The following ANKS6 variants were observed in gnomAD, a reference collection of about 807,000 sequenced individuals.
ANKS6 encodes the protein ankyrin repeat and sterile alpha motif domain containing 6.
In ANKS6, 47 loss-of-function variants were observed where a neutral mutation model predicts 77.9. That is an observed-to-expected ratio of 0.60 (90% CI 0.48 to 0.77). The LOEUF (loss-of-function observed/expected upper bound fraction) is 0.77. Ranked by LOEUF, ANKS6 falls within the 30% of genes least tolerant of loss-of-function variation. The probability of loss-of-function intolerance (pLI) is 0.00; values close to 1 mark genes in which losing one functional copy is unlikely to be tolerated. For missense variants in ANKS6, 1,150 were observed against 1,159.1 expected (o/e 0.99, Z 0.11); for synonymous variants, 488 against 501.7 (o/e 0.97, Z 0.37).
At chr9:98,777,279 A>G (rs1833966821) in intron 8 of ANKS6, 126 bp downstream of exon 8, 5 of 1,028,410 alleles carry the variant, frequency 4.9e-6, no homozygotes, top group Non-Finnish European at 4.5e-6. Flanking sequence ...ACTGTTACAC[A>G]TTCTCATCAC....
At position 98,783,938 on chromosome 9, in the gene ANKS6, G is replaced by A; in HGVS notation, c.1112+15C>T. 1 of 1,546,296 alleles carries A rather than the reference G, an allele frequency of 6.5e-7. No homozygotes were observed. The highest frequency in any genetic ancestry group is 8.7e-7 in the Non-Finnish European group (1 of 1,144,746). ...TGTCTGGCCTTGTCGCTGAGGGCGT[G>A]GGGCTGGCACTGACCCATGGTAGGT... is the stretch of plus-strand genomic sequence containing the variant. On this transcript the variant is annotated intron_variant, in intron 4 of 14. Transcript: ENST00000353234.
At chr9:98,766,059 G>GGGT (rs1833264389) in intron 11 of ANKS6, among the ~76,000 whole-genome samples, 1 of 152,152 alleles carries the variant, frequency 6.6e-6, no homozygotes, top group African/African-American at 2.4e-5. Flanking sequence ...CCTCCCGAGA[G>GGGT]CCTCATTCAG....
Position 98,733,575 on chromosome 9 carries a change from T to A in ANKS6, c.*2944A>T, listed in dbSNP as rs1831319765. ...CTTCCAGGGCTGCAAGGCCTCTTGG[T>A]TGCCGCTGTTCCAGAAAAAGCGGGG... is the stretch of plus-strand genomic sequence containing the variant. On this transcript the variant is annotated 3_prime_UTR_variant, in exon 15 of 15. Transcript: ENST00000353234. 1 of 985,466 alleles carries A rather than the reference T, an allele frequency of 1.0e-6. No homozygotes were observed. The allele number at this position is 985,466 out of a possible 1,614,324, so 61.0% of individuals were successfully genotyped here. A position where few individuals can be genotyped will look rare whatever the true frequency, so the allele number is the denominator to read the frequency against.
chr9:98,778,533 C>G (rs1834048524), intron 6 of ANKS6, 109 bp from the exon 7 acceptor site: 2 of 1,012,576 alleles, frequency 2.0e-6, no homozygotes, highest in Non-Finnish European at 2.9e-6. Flanking sequence ...GCCTGCCCTC[C>G]CCTCTCCTGG....
At chr9:98,743,981 A>G (rs951518896) in intron 14 of ANKS6, among the ~76,000 whole-genome samples, 1 of 152,006 alleles carries the variant, frequency 6.6e-6, no homozygotes, top group African/African-American at 2.4e-5. Flanking sequence ...GACAACCTCC[A>G]TACCTGCCTT....
Position 98,732,348 on chromosome 9 carries a change from C to T in ANKS6, c.*4171G>A, listed in dbSNP as rs1273323665. On this transcript the variant is annotated 3_prime_UTR_variant, in exon 15 of 15. Transcript: ENST00000353234. ...GCCCCCTTTTTACCCGCTGGATCAG[C>T]TTCTACGACTTGGTCAAACTATCTT... The T allele has an allele frequency of 9.1e-6, 8 of 878,648 alleles. No individual in the cohort carries two copies. Among genetic ancestry groups the T allele is most frequent in the Admixed American group, 8.0e-5 (3 of 37,344 alleles). The allele number at this position is 878,648 out of a possible 1,614,324, so 54.4% of individuals were successfully genotyped here. A position where few individuals can be genotyped will look rare whatever the true frequency, so the allele number is the denominator to read the frequency against.
chr9:98,789,260 C>A (rs141460483), intron 2 of ANKS6, among the ~76,000 whole-genome samples: 2 of 152,042 alleles, frequency 1.3e-5, no homozygotes, highest in Admixed American at 1.3e-4. Flanking sequence ...GGCTGTGAGT[C>A]CTGCCGTCGA....
Position 98,791,143 on chromosome 9 carries a change from TCAGA to T in ANKS6, c.360-541_360-538del, listed in dbSNP as rs566674005. ...CTTACACCATGCTGCCTCCTACATT[TCAGA>T]CAGTCGATTTTATTCTGCTTTATAG... On this transcript the variant is annotated intron_variant, in intron 1 of 14. Coordinates refer to ENST00000353234, the MANE Select transcript of ANKS6 (RefSeq NM_173551.5). This position sits in a 1 kb window ranked among gnomAD's most constrained non-coding sequence, Gnocchi z 4.3. Among the ~76,000 whole-genome samples the T allele has an allele frequency of 3.3e-5, 5 of 152,336 alleles. No homozygotes were observed. The East Asian group carries it at 9.6e-4, about 29-fold the overall frequency.
At position 98,756,567 on chromosome 9, in the gene ANKS6, A is replaced by G. The variant is rs1199257753; in HGVS notation, c.2179T>C (p.Ser727Pro). The change falls in exon 12 of 15, where the codon TCC becomes CCC. Residue 727 changes from serine to proline, a missense_variant. Transcript: ENST00000353234. ...GGAGAGGTGCTCTTGGAGGTAGTGG[A>G]AGTTCCAGATGGAGGCCTTTTGCTG... The part of the protein sequence containing the change: ...ETSKRPPSGT[S>P]TTSKSTSPTL... 1.3e-6 allele frequency: 2 copies of G among 1,563,422 alleles called. No homozygotes were observed.
chr9:98,782,614 G>C (rs1470455260), intron 4 of ANKS6, 41 bp from the exon 5 acceptor site: 1 of 1,495,062 alleles, frequency 6.7e-7, no homozygotes, highest in Non-Finnish European at 9.3e-7. Flanking sequence ...GAAAGCAAAG[G>C]CATGGCTTTG....
At chr9:98,736,696 GT>G (rs1831520074) in intron 14 of ANKS6, 73 bp from the exon 15 acceptor site, 1 of 1,501,684 alleles carries the variant, frequency 6.7e-7, no homozygotes, top group Admixed American at 2.0e-5. Flanking sequence ...TTGACACAGT[GT>G]TGTTAATGTT....
At chr9:98,736,740 G>A in intron 14 of ANKS6, 117 bp from the exon 15 acceptor site, 1 of 1,303,872 alleles carries the variant, frequency 7.7e-7, no homozygotes, top group Non-Finnish European at 1.1e-6. Flanking sequence ...TGGGCGTCTT[G>A]GGGAAAATAA....
At chr9:98,757,335 G>C (rs138002769) in intron 11 of ANKS6, among the ~76,000 whole-genome samples, 1 of 152,336 alleles carries the variant, frequency 6.6e-6, no homozygotes, top group Non-Finnish European at 1.5e-5. Flanking sequence ...GAGCTGTGCT[G>C]TATCTCTGTA....
intron 11 of ANKS6, among the ~76,000 whole-genome samples, chr9:98,767,861 C>G (rs1008073515): frequency 9.9e-5 from 15 of 152,230 alleles, no homozygotes; most frequent in African/African-American, 3.6e-4. Flanking sequence ...CACTGTGCAG[C>G]AGCCCAGTGC....
intron 2 of ANKS6, among the ~76,000 whole-genome samples, chr9:98,789,140 TA>T (rs1449257552): frequency 6.6e-6 from 1 of 152,014 alleles, no homozygotes; most frequent in Non-Finnish European, 1.5e-5. Context: ...GTAACAAACT[TA>T]ACACTTTCAG....
In ANKS6 at chr9:98,732,513, G is replaced by A. The variant is rs556210073; in HGVS notation, c.*4006C>T. 162 of 1,550,578 alleles carry A rather than the reference G, an allele frequency of 1.0e-4. No individual in the cohort carries two copies. The highest frequency in any genetic ancestry group is 9.0e-5 in the Non-Finnish European group (103 of 1,146,994). ...GCCACCTGAGCGGCTGCTACCTCTT[G>A]CCGGAGGCAGTTTCTTCTGGCCTCA... is the stretch of plus-strand genomic sequence containing the variant. On this transcript the variant is annotated 3_prime_UTR_variant, in exon 15 of 15. Coordinates refer to ENST00000353234, the MANE Select transcript of ANKS6 (RefSeq NM_173551.5).
chr9:98,736,156 A>T lies in ANKS6; in HGVS notation c.*363T>A. 1 of 1,153,216 alleles carries T rather than the reference A, an allele frequency of 8.7e-7. No homozygotes were observed. Among genetic ancestry groups the T allele is most frequent in the Non-Finnish European group, 1.1e-6 (1 of 935,916 alleles). 71.4% of individuals were successfully genotyped at this position (1,153,216 alleles called of 1,614,324 possible). On this transcript the variant is annotated 3_prime_UTR_variant, in exon 15 of 15. Transcript: ENST00000353234. ...GTCAGTTAAGAGCAAGGCAGGTAAGAAGCAGCCGTGCCTTCTCCATCGTCC... is the reference window on the plus strand; with the variant it reads ...GTCAGTTAAGAGCAAGGCAGGTAAGTAGCAGCCGTGCCTTCTCCATCGTCC...
In ANKS6 at chr9:98,732,798, G is replaced by A; in HGVS notation, c.*3721C>T. 2.2e-6 allele frequency: 3 copies of A among 1,335,288 alleles called. No individual in the cohort carries two copies. Among genetic ancestry groups the A allele is most frequent in the Middle Eastern group, 2.4e-4 (1 of 4,092 alleles). 82.7% of individuals were successfully genotyped at this position (1,335,288 alleles called of 1,614,324 possible). A position where few individuals can be genotyped will look rare whatever the true frequency, so the allele number is the denominator to read the frequency against. On this transcript the variant is annotated 3_prime_UTR_variant, in exon 15 of 15. Coordinates refer to ENST00000353234, the MANE Select transcript of ANKS6 (RefSeq NM_173551.5). ...GGTCTATGTCCAGTGCTCTTTCCAG[G>A]GTAACAGGTTGCTTCTACTCATTTT...
chr9:98,736,441 G>T lies in ANKS6; in HGVS notation c.*78C>A. On this transcript the variant is annotated 3_prime_UTR_variant, in exon 15 of 15. Transcript: ENST00000353234. ...TGACTAAGGCACAGCAGTGTGACGG[G>T]GGCAGGGCTGGGGCTGTGGCCACGT... 1 of 1,493,540 alleles carries T rather than the reference G, an allele frequency of 6.7e-7. No individual in the cohort carries two copies. Among genetic ancestry groups the T allele is most frequent in the Non-Finnish European group, 8.9e-7 (1 of 1,120,708 alleles). The allele number at this position is 1,493,540 out of a possible 1,614,324, so 92.5% of individuals were successfully genotyped here.
Sources: allele counts gnomAD v4.1 joint callset (sites outside exome capture counted in the v4.1 genomes callset), GRCh38; gene constraint gnomAD v4.1.1; non-coding constraint Gnocchi (gnomAD v3.1); transcripts MANE v1.5; gene names NCBI Gene and HGNC (gene_info 2026-07-23, HGNC 2026-07-21).